BICRAL: variants seen among roughly 807,000 people sequenced by gnomAD.
The protein encoded by BICRAL is BRD4-interacting chromatin-remodeling complex-associated protein-like.
Under a neutral mutation model 91.8 loss-of-function variants are expected in BICRAL, and 8 were observed. The observed-to-expected ratio is 0.09, with a 90% CI of 0.05 to 0.16. The LOEUF is 0.16. BICRAL is among the 10% of genes least tolerant of loss of function. BICRAL has a pLI of 1.00. For missense variants in BICRAL, 1,038 were observed against 1,310.9 expected, an observed-to-expected ratio of 0.79 and a Z score of 3.21; for synonymous variants, 445 against 491.1, an observed-to-expected ratio of 0.91 and a Z score of 1.24.
At chr6:42,814,447 A>G (rs1763920625) in intron 2 of BICRAL, among the ~76,000 whole-genome samples, 1 of 142,724 alleles carries the variant, frequency 7.0e-6, no homozygotes, top group African/African-American at 2.6e-5. Context: ...ATGTATGTAT[A>G]TGTATATATA....
intron 1 of BICRAL, among the ~76,000 whole-genome samples, chr6:42,782,361 T>TGGGTGG (rs1762938881): frequency 4.3e-5 from 1 of 23,088 alleles, no homozygotes; most frequent in African/African-American, 2.0e-4. Flanking sequence ...GGTGGGTTTG[T>TGGGTGG]GGGTGGGTGA....
intron 1 of BICRAL, among the ~76,000 whole-genome samples, chr6:42,763,159 G>A (rs762916590): frequency 9.2e-5 from 14 of 152,108 alleles, no homozygotes; most frequent in Non-Finnish European, 1.8e-4. Flanking sequence ...CAGGAACCAC[G>A]AGGTACTTCA....
chr6:42,752,414 C>G (rs1215408026), intron 1 of BICRAL, among the ~76,000 whole-genome samples: 1 of 152,168 alleles, frequency 6.6e-6, no homozygotes, highest in Non-Finnish European at 1.5e-5. Flanking sequence ...CTTAAGAAGG[C>G]CTAATTTGGG....
At chr6:42,779,399 T>A (rs1013517924), upstream of BICRAL, among the ~76,000 whole-genome samples, 1 of 152,024 alleles carries the variant, frequency 6.6e-6, no homozygotes, top group African/African-American at 2.4e-5. Flanking sequence ...TCCCAGCCAA[T>A]CCAAAGGCAA....
At chr6:42,844,635 G>A (rs1053676509) in intron 6 of BICRAL, among the ~76,000 whole-genome samples, 4 of 151,644 alleles carry the variant, frequency 2.6e-5, no homozygotes, top group African/African-American at 7.3e-5. Context: ...ACAACTGGGA[G>A]GCTGCTGGTT....
chr6:42,831,673 C>T (rs1345805494), intron 6 of BICRAL, among the ~76,000 whole-genome samples: 1 of 152,126 alleles, frequency 6.6e-6, no homozygotes, highest in African/African-American at 2.4e-5. Context: ...TGCGTTTCCC[C>T]TGCCTTTCTC....
chr6:42,756,674 G>C (rs1487032399), intron 1 of BICRAL, among the ~76,000 whole-genome samples: 1 of 151,240 alleles, frequency 6.6e-6, no homozygotes, highest in East Asian at 1.9e-4. Context: ...GTTACTGATT[G>C]TTGGGTAACA....
In BICRAL at chr6:42,866,879, T is replaced by A. The variant is rs1287904864; in HGVS notation, c.*1433T>A. On this transcript the variant is annotated 3_prime_UTR_variant, in exon 13 of 13. Transcript: ENST00000314073. ...GTAACCATCACTTATCTCCTCTCAT[T>A]GGGAAAGCTACATGATAGTATTTTT... 2.2e-6 allele frequency: 1 copy of A among 456,004 alleles called. No homozygotes were observed. The highest frequency in any genetic ancestry group is 4.4e-6 in the Non-Finnish European group (1 of 226,794). The allele number at this position is 456,004 out of a possible 1,614,324, so 28.2% of individuals were successfully genotyped here. A position where few individuals can be genotyped will look rare whatever the true frequency, so the allele number is the denominator to read the frequency against.
chr6:42,844,508 CAA>C (rs34115804), intron 6 of BICRAL, among the ~76,000 whole-genome samples: 461 of 31,384 alleles, frequency 0.015, 25 homozygotes, highest in Non-Finnish European at 0.025. Context: ...GACTCCATCT[CAA>C]AAAAAAAAAA....
At chr6:42,814,495 G>GTT (rs1214273056) in intron 2 of BICRAL, among the ~76,000 whole-genome samples, 1 of 74,866 alleles carries the variant, frequency 1.3e-5, no homozygotes, top group Non-Finnish European at 2.5e-5. Flanking sequence ...GTGTGTGTGT[G>GTT]TGTGTATATA....
At chr6:42,789,885 T>C (rs2113875247) in intron 1 of BICRAL, among the ~76,000 whole-genome samples, 1 of 152,296 alleles carries the variant, frequency 6.6e-6, no homozygotes, top group South Asian at 2.1e-4. Context: ...TCTAAGCCTT[T>C]AGCACAGCAT....
At chr6:42,788,604 A>T (rs1489015284) in intron 1 of BICRAL, among the ~76,000 whole-genome samples, 1 of 152,196 alleles carries the variant, frequency 6.6e-6, no homozygotes, top group Admixed American at 6.5e-5. Context: ...GTGGCAGAAG[A>T]CAAAGAATGG....
chr6:42,830,909 C>T (rs1562484000), intron 6 of BICRAL, among the ~76,000 whole-genome samples: 1 of 152,110 alleles, frequency 6.6e-6, no homozygotes, highest in Non-Finnish European at 1.5e-5. Context: ...CCACACCCGA[C>T]CTTTTTTCTT....
At chr6:42,834,349 A>G (rs1276129153) in intron 6 of BICRAL, among the ~76,000 whole-genome samples, 1 of 152,190 alleles carries the variant, frequency 6.6e-6, no homozygotes, top group Admixed American at 6.5e-5. Flanking sequence ...TCCTTTTGTC[A>G]TTAATTAGAA....
At chr6:42,760,299 A>C (rs1276919635) in intron 1 of BICRAL, among the ~76,000 whole-genome samples, 2 of 151,024 alleles carry the variant, frequency 1.3e-5, no homozygotes, top group African/African-American at 2.4e-5. Flanking sequence ...CACGCGGATC[A>C]CCTGAGGTCA....
At chr6:42,817,152 GTGTGTGTGTGTGTGTGTGTGTATATA>G (rs1317889809) in intron 2 of BICRAL, among the ~76,000 whole-genome samples, 2 of 146,182 alleles carry the variant, frequency 1.4e-5, no homozygotes, top group Admixed American at 1.3e-4. Flanking sequence ...ATTTATATGT[GTGTGTGTGTGTGTGTGTGTGTATATA>G]TGTGTGTGTG....
chr6:42,850,074 T>G (rs1765132253), intron 6 of BICRAL, among the ~76,000 whole-genome samples: 1 of 149,340 alleles, frequency 6.7e-6, no homozygotes, highest in Non-Finnish European at 1.5e-5. Context: ...TAAATAAGCT[T>G]AGTTTGTCAA....
intron 7 of BICRAL, chr6:42,852,538 C>T (rs557708389): frequency 2.0e-5 from 8 of 394,840 alleles, no homozygotes; most frequent in East Asian, 1.4e-4. Flanking sequence ...GGCACACGCC[C>T]GTAATCCCAG....
At chr6:42,767,611 A>G (rs982815504) in intron 1 of BICRAL, among the ~76,000 whole-genome samples, 2 of 152,256 alleles carry the variant, frequency 1.3e-5, no homozygotes, top group African/African-American at 4.8e-5. Flanking sequence ...TTAGCTTAAC[A>G]TATTGATGCA....
Sources: gnomAD v4.1 joint callset for allele counts (sites outside exome capture counted in the v4.1 genomes callset) on GRCh38, gnomAD v4.1.1 for gene constraint, MANE v1.5 for transcripts, NCBI Gene and HGNC (gene_info 2026-07-23, HGNC 2026-07-21) for gene names.